Variants in LRATD1 observed in about 807,000 individuals in gnomAD.
LRATD1 encodes the protein LRAT domain containing 1, also known as protein LRATD1.
Under a neutral mutation model 21.3 loss-of-function variants are expected in LRATD1, and 8 were observed. The observed-to-expected ratio is 0.38, with a 90% CI of 0.22 to 0.68. LRATD1 has a LOEUF of 0.68. Ranked by LOEUF, LRATD1 falls within the 30% of genes least tolerant of loss-of-function variation. LRATD1 has a pLI of 0.54. For synonymous variants in LRATD1, 210 were observed against 186.2 expected (o/e 1.13, Z -1.04); for missense variants, 380 against 404.0 (o/e 0.94, Z 0.51).
Position 14,634,208 on chromosome 2 carries a change from C to T in LRATD1, c.229C>T (p.His77Tyr). ...CAGCCGCCACCACCACCACCTGCTG[C>T]ACCAGCTGGTCCTCAACGAGACTCA... ...SPSRHHHHLLHQLVLNETQFS... is the reference protein window; with the variant it reads ...SPSRHHHHLLYQLVLNETQFS... Residue 77 changes from histidine (H) to tyrosine (Y), a missense_variant, in exon 2 of 2, where the codon CAC becomes TAC. Coordinates refer to ENST00000295092, the MANE Select transcript of LRATD1 (RefSeq NM_145175.4). The T allele has an allele frequency of 6.2e-7, 1 of 1,613,322 alleles. No homozygotes were observed. The highest frequency in any genetic ancestry group is 8.5e-7 in the Non-Finnish European group (1 of 1,179,864).
intron 4 of LRATD1, among the ~76,000 whole-genome samples, chr2:14,648,837 G>C (rs924950056): frequency 6.6e-6 from 1 of 152,152 alleles, no homozygotes; most frequent in African/African-American, 2.4e-5. Context: ...CACCACATCA[G>C]TGAAATACAC....
downstream of LRATD1, among the ~76,000 whole-genome samples, chr2:14,651,062 C>T (rs185944833): frequency 1.3e-5 from 2 of 152,218 alleles, no homozygotes; most frequent in Admixed American, 1.3e-4. Context: ...CCTGCTCATC[C>T]TCATCATAGG....
In LRATD1 at chr2:14,635,029, G is replaced by T; in HGVS notation, c.*171G>T. On this transcript the variant is annotated 3_prime_UTR_variant, in exon 2 of 2. Transcript: ENST00000295092. ...CCCCCGCATCCCCAAGCCAGCGGCAGGAAGTCTCAGGAACTGCCCCAGGGC... is the reference window on the plus strand; with the variant it reads ...CCCCCGCATCCCCAAGCCAGCGGCATGAAGTCTCAGGAACTGCCCCAGGGC... The T allele has an allele frequency of 1.0e-6, 1 of 971,894 alleles. No individual in the cohort carries two copies. The highest frequency in any genetic ancestry group is 1.6e-6 in the Non-Finnish European group (1 of 630,388). The allele number at this position is 971,894 out of a possible 1,614,324, so 60.2% of individuals were successfully genotyped here.
At chr2:14,642,692 G>A (rs1299407425), downstream of LRATD1, among the ~76,000 whole-genome samples, 1 of 152,108 alleles carries the variant, frequency 6.6e-6, no homozygotes, top group Non-Finnish European at 1.5e-5. Context: ...TGACCTTCCA[G>A]TAGGGGGAGC....
downstream of LRATD1, chr2:14,650,735 C>T (rs1293377055): frequency 6.6e-6 from 1 of 152,138 alleles, no homozygotes; most frequent in East Asian, 1.9e-4. Flanking sequence ...TATTTAATCA[C>T]TGTATTTATT....
rs764123791 is a variant in LRATD1, at chr2:14,634,703, C to G, written c.724C>G (p.Gln242Glu). 2.3e-5 allele frequency: 36 copies of G among 1,551,946 alleles called. No individual in the cohort carries two copies. Among genetic ancestry groups the G allele is most frequent in the Non-Finnish European group, 3.0e-5 (34 of 1,146,986 alleles). ...GGCAGGCACGCAGCCCCCGCAGCAGCAGTACTATCTCAAGGTGCACCTGGG... is the reference window on the plus strand; with the variant it reads ...GGCAGGCACGCAGCCCCCGCAGCAGGAGTACTATCTCAAGGTGCACCTGGG... ...VPAGTQPPQQ[Q>E]YYLKVHLGEN... The change falls in exon 2 of 2, where the codon CAG becomes GAG. Residue 242 changes from glutamine to glutamate, a missense_variant. Gln to Glu is a conservative substitution (Grantham distance 29, BLOSUM62 2). Coordinates refer to ENST00000295092, the MANE Select transcript of LRATD1 (RefSeq NM_145175.4).
chr2:14,640,757 G>A (rs1468455938), downstream of LRATD1, among the ~76,000 whole-genome samples: 3 of 152,240 alleles, frequency 2.0e-5, no homozygotes, highest in African/African-American at 4.8e-5. Context: ...ATTCTGCAAG[G>A]GGGTGAGCAG....
chr2:14,635,336 G>A lies in LRATD1; in HGVS notation c.*478G>A, dbSNP rs1395983858. ...CAGGGCACAGTTCAGCTCCTCTGTG[G>A]ATGCGTCCCCAGATCGCAGGATTTC... On this transcript the variant is annotated 3_prime_UTR_variant, in exon 2 of 2. Coordinates refer to ENST00000295092, the MANE Select transcript of LRATD1 (RefSeq NM_145175.4). 2 of 478,588 alleles carry A rather than the reference G, an allele frequency of 4.2e-6. No individual in the cohort carries two copies. Among genetic ancestry groups the A allele is most frequent in the Non-Finnish European group, 8.6e-6 (2 of 232,464 alleles). 29.6% of individuals were successfully genotyped at this position (478,588 alleles called of 1,614,324 possible). A position where few individuals can be genotyped will look rare whatever the true frequency, so the allele number is the denominator to read the frequency against.
At chr2:14,645,125 A>G (rs1049832978) in intron 2 of LRATD1, among the ~76,000 whole-genome samples, 2 of 152,192 alleles carry the variant, frequency 1.3e-5, no homozygotes, top group Admixed American at 6.5e-5. Flanking sequence ...TTGAAGAAAA[A>G]CAAATCTGAG....
chr2:14,635,886 A>C lies in LRATD1; in HGVS notation c.*1028A>C, dbSNP rs1671678678. 2.2e-5 allele frequency: 7 copies of C among 314,956 alleles called. 1 individual carries two copies. Among genetic ancestry groups the C allele is most frequent in the South Asian group, 1.9e-4 (6 of 31,200 alleles). 19.5% of individuals were successfully genotyped at this position (314,956 alleles called of 1,614,324 possible). On this transcript the variant is annotated 3_prime_UTR_variant, in exon 2 of 2. Coordinates refer to ENST00000295092, the MANE Select transcript of LRATD1 (RefSeq NM_145175.4). ...CAGTATATTTAGTTTGGCTTTTCCT[A>C]ACATAGAAATCTTCAAAGCTGGGGA...
At chr2:14,646,668 T>G (rs1158010760) in intron 4 of LRATD1, among the ~76,000 whole-genome samples, 1 of 152,156 alleles carries the variant, frequency 6.6e-6, no homozygotes, top group Non-Finnish European at 1.5e-5. Flanking sequence ...CTGCAATAGT[T>G]GTACAAAATA....
chr2:14,649,509 G>T, intron 5 of LRATD1: 2 of 382,698 alleles, frequency 5.2e-6, no homozygotes, highest in Non-Finnish European at 5.2e-6. Flanking sequence ...AATATCAGGA[G>T]ATCCCACCCA....
intron 2 of LRATD1, among the ~76,000 whole-genome samples, chr2:14,645,809 C>A (rs1175217904): frequency 1.3e-5 from 2 of 152,140 alleles, no homozygotes; most frequent in Non-Finnish European, 2.9e-5. Context: ...AAGGAGGCAA[C>A]TAAGTCTACA....
In LRATD1 at chr2:14,633,828, G is replaced by T. The variant is rs1168856791; in HGVS notation, c.-36-116G>T. 10 of 1,048,998 alleles carry T rather than the reference G, an allele frequency of 9.5e-6. No homozygotes were observed. Among genetic ancestry groups the T allele is most frequent in the Non-Finnish European group, 1.2e-5 (9 of 733,922 alleles). 65.0% of individuals were successfully genotyped at this position (1,048,998 alleles called of 1,614,324 possible). A position where few individuals can be genotyped will look rare whatever the true frequency, so the allele number is the denominator to read the frequency against. On this transcript the variant is annotated intron_variant, in intron 1 of 1. Transcript: ENST00000295092. This position sits in a 1 kb window ranked among gnomAD's most constrained non-coding sequence, Gnocchi z 7.5. Reference sequence around the variant, plus strand: ...GGACTCGGCTGGAAAGGGTGACTCCGGTGAGGGCACGTAAGCTAGCCGGCA... The same window carrying T: ...GGACTCGGCTGGAAAGGGTGACTCCTGTGAGGGCACGTAAGCTAGCCGGCA...
In LRATD1 at chr2:14,635,022, A is replaced by T; in HGVS notation, c.*164A>T. On this transcript the variant is annotated 3_prime_UTR_variant, in exon 2 of 2. Transcript: ENST00000295092. ...GGCTGCACCCCCGCATCCCCAAGCC[A>T]GCGGCAGGAAGTCTCAGGAACTGCC... 1 of 1,014,460 alleles carries T rather than the reference A, an allele frequency of 9.9e-7. No homozygotes were observed. The highest frequency in any genetic ancestry group is 1.4e-5 in the South Asian group (1 of 68,968). 62.8% of individuals were successfully genotyped at this position (1,014,460 alleles called of 1,614,324 possible).
At chr2:14,642,257 A>G (rs1432168188), downstream of LRATD1, among the ~76,000 whole-genome samples, 1 of 152,188 alleles carries the variant, frequency 6.6e-6, no homozygotes, top group Non-Finnish European at 1.5e-5. Context: ...ATTATACTGC[A>G]AGTGATGGGA....
chr2:14,635,026 G>T lies in LRATD1; in HGVS notation c.*168G>T, dbSNP rs982173160. 1 of 1,010,436 alleles carries T rather than the reference G, an allele frequency of 9.9e-7. No individual in the cohort carries two copies. The highest frequency in any genetic ancestry group is 1.5e-6 in the Non-Finnish European group (1 of 665,968). 62.6% of individuals were successfully genotyped at this position (1,010,436 alleles called of 1,614,324 possible). On this transcript the variant is annotated 3_prime_UTR_variant, in exon 2 of 2. Transcript: ENST00000295092. ...GCACCCCCGCATCCCCAAGCCAGCG[G>T]CAGGAAGTCTCAGGAACTGCCCCAG...
At chr2:14,646,279 A>C (rs1277101878) in intron 3 of LRATD1, 2 of 152,218 alleles carry the variant, frequency 1.3e-5, no homozygotes, top group African/African-American at 4.8e-5. Flanking sequence ...ATTGTATAAC[A>C]CACACTAACC....
In LRATD1 at chr2:14,634,686, C is replaced by G. The variant is rs1235288660; in HGVS notation, c.707C>G (p.Thr236Arg). Reference sequence around the variant, plus strand: ...GCGGGAGGGGAGGTGCCGGCAGGCACGCAGCCCCCGCAGCAGCAGTACTAT... The same window carrying G: ...GCGGGAGGGGAGGTGCCGGCAGGCAGGCAGCCCCCGCAGCAGCAGTACTAT... ...FKAGGEVPAG[T>R]QPPQQQYYLK... Residue 236 changes from threonine to arginine, a missense_variant, in exon 2 of 2, where the codon ACG becomes AGG. By Grantham distance (71) the Thr-to-Arg change is moderately conservative. Transcript: ENST00000295092. The G allele has an allele frequency of 6.5e-7, 1 of 1,544,438 alleles. No homozygotes were observed. Among genetic ancestry groups the G allele is most frequent in the Non-Finnish European group, 8.7e-7 (1 of 1,144,372 alleles).
Sources: allele counts gnomAD v4.1 joint callset (sites outside exome capture counted in the v4.1 genomes callset), GRCh38; gene constraint gnomAD v4.1.1; non-coding constraint Gnocchi (gnomAD v3.1); transcripts MANE v1.5; gene names NCBI Gene and HGNC (gene_info 2026-07-23, HGNC 2026-07-21).